NRG1: variants seen among roughly 807,000 people sequenced by gnomAD.
NRG1 encodes pro-neuregulin-1, membrane-bound isoform.
Under a neutral mutation model 63.8 loss-of-function variants are expected in NRG1, and 18 were observed. The ratio of observed to expected loss-of-function variants is 0.28; its 90% CI spans 0.19 to 0.42. NRG1 has a LOEUF of 0.42. Among genes scored for constraint, NRG1 ranks in the 10% least tolerant of loss-of-function variants. The pLI is 1.00. For synonymous variants in NRG1, 302 were observed against 301.3 expected (o/e 1.00, Z -0.02); for missense variants, 762 against 814.7 (o/e 0.94, Z 0.79).
intron 5 of NRG1, among the ~76,000 whole-genome samples, chr8:32,627,717 A>T (rs1297862698): frequency 6.6e-6 from 1 of 152,174 alleles, no homozygotes; most frequent in African/African-American, 2.4e-5. Context: ...GGTAAATTTT[A>T]AAAAGGATGC....
chr8:32,010,384 C>A (rs1485746636), intron 1 of NRG1, among the ~76,000 whole-genome samples: 1 of 152,034 alleles, frequency 6.6e-6, no homozygotes, highest in Non-Finnish European at 1.5e-5. Context: ...TCTTTCCTTT[C>A]ACTTCATTCT....
At chr8:31,825,256 C>T (rs947498817) in intron 1 of NRG1, among the ~76,000 whole-genome samples, 4 of 151,866 alleles carry the variant, frequency 2.6e-5, no homozygotes, top group Non-Finnish European at 4.4e-5. Flanking sequence ...GGTGTGGTGG[C>T]GGGCACCTGT....
At chr8:31,649,714 G>A (rs924679543) in intron 1 of NRG1, among the ~76,000 whole-genome samples, 2 of 152,194 alleles carry the variant, frequency 1.3e-5, no homozygotes, top group Admixed American at 1.3e-4. Context: ...AATGAAAGAT[G>A]TAAAGAATAA....
At chr8:32,666,922 G>T (rs781544896) in intron 5 of NRG1, among the ~76,000 whole-genome samples, 1 of 152,212 alleles carries the variant, frequency 6.6e-6, no homozygotes, top group Non-Finnish European at 1.5e-5. Flanking sequence ...AAGTTCACGT[G>T]TATTGCAACA....
At chr8:32,695,706 C>T (rs1203188247) in intron 5 of NRG1, among the ~76,000 whole-genome samples, 1 of 152,214 alleles carries the variant, frequency 6.6e-6, no homozygotes, top group Non-Finnish European at 1.5e-5. Flanking sequence ...ACAGATTCAT[C>T]AAATGGCACA....
intron 1 of NRG1, among the ~76,000 whole-genome samples, chr8:32,465,009 T>A (rs1355676007): frequency 6.6e-6 from 1 of 152,134 alleles, no homozygotes; most frequent in Non-Finnish European, 1.5e-5. Context: ...AACCCGTCTC[T>A]ACTAAAAATA....
chr8:31,799,231 T>C (rs1473886810), intron 1 of NRG1, among the ~76,000 whole-genome samples: 1 of 152,110 alleles, frequency 6.6e-6, no homozygotes, highest in East Asian at 1.9e-4. Flanking sequence ...CTCTAAACTT[T>C]TGATAGAAAT....
intron 5 of NRG1, among the ~76,000 whole-genome samples, chr8:32,701,322 A>G (rs564470886): frequency 1.8e-4 from 28 of 152,246 alleles, no homozygotes; most frequent in African/African-American, 6.7e-4. Context: ...GAACTATTTT[A>G]TTTTGTTATG....
intron 1 of NRG1, among the ~76,000 whole-genome samples, chr8:31,986,249 G>A (rs1392982400): frequency 6.6e-6 from 1 of 152,040 alleles, no homozygotes; most frequent in Non-Finnish European, 1.5e-5. Flanking sequence ...AAGTGCATCA[G>A]TAAGAGATCA....
rs192800168 is a variant in NRG1 at position 32,536,768 on chromosome 8, C to T, written c.38-59060C>T. On this transcript the variant is annotated intron_variant, in intron 1 of 10. Coordinates refer to the NRG1 transcript ENST00000519301. The stretch of plus-strand genomic sequence containing the variant: ...AAACCCCTTCTCTACTAAAAAAATA[C>T]AAAAAATTAGCCGGGTGTGGTGGTG... 5.4e-3 allele frequency among the ~76,000 whole-genome samples: 820 copies of T among 151,232 alleles called. 26 individuals carry two copies. The highest frequency in any genetic ancestry group is 0.043 in the Admixed American group (655 of 15,188).
chr8:32,617,293 T>C (rs1330945351), intron 5 of NRG1, among the ~76,000 whole-genome samples: 1 of 152,228 alleles, frequency 6.6e-6, no homozygotes, highest in Non-Finnish European at 1.5e-5. Flanking sequence ...CAAAACTTCT[T>C]CATTCTCATA....
At chr8:32,469,086 G>T (rs1468285888) in intron 1 of NRG1, among the ~76,000 whole-genome samples, 1 of 152,182 alleles carries the variant, frequency 6.6e-6, no homozygotes, top group Non-Finnish European at 1.5e-5. Flanking sequence ...GGGAAACGAT[G>T]GAGGTGATGT....
chr8:31,923,881 G>T (rs1363892801), intron 1 of NRG1, among the ~76,000 whole-genome samples: 1 of 151,606 alleles, frequency 6.6e-6, no homozygotes, highest in East Asian at 1.9e-4. Context: ...ACCCCTCTAA[G>T]TCTCCATTGT....
chr8:32,258,060 T>A (rs1401672176), intron 1 of NRG1, among the ~76,000 whole-genome samples: 1 of 152,168 alleles, frequency 6.6e-6, no homozygotes, highest in African/African-American at 2.4e-5. Context: ...ATCAACAGAA[T>A]AAGAAACTCA....
intron 1 of NRG1, among the ~76,000 whole-genome samples, chr8:32,432,629 G>A (rs1818286920): frequency 6.6e-6 from 1 of 151,938 alleles, no homozygotes; most frequent in Non-Finnish European, 1.5e-5. Flanking sequence ...TGTTTCTCAG[G>A]CTCCAGAGTA....
intron 1 of NRG1, among the ~76,000 whole-genome samples, chr8:31,984,569 G>C (rs528634891): frequency 6.6e-6 from 1 of 152,072 alleles, no homozygotes; most frequent in Non-Finnish European, 1.5e-5. Flanking sequence ...CCCATTTTCT[G>C]TGTCTGGACA....
chr8:32,549,125 T>A (rs1191073762), intron 1 of NRG1, among the ~76,000 whole-genome samples: 4 of 152,182 alleles, frequency 2.6e-5, no homozygotes, highest in African/African-American at 9.6e-5. Flanking sequence ...CCCCAGCGCC[T>A]TAGCGGCTGA....
At chr8:32,657,940 A>C (rs1801927471) in intron 5 of NRG1, among the ~76,000 whole-genome samples, 1 of 152,234 alleles carries the variant, frequency 6.6e-6, no homozygotes, top group Non-Finnish European at 1.5e-5. Context: ...AAGAGAAAAA[A>C]TAATGTCATG....
At position 32,587,176 on chromosome 8, in the gene NRG1, T is replaced by G. The variant is rs151166710; in HGVS notation, c.101-8652T>G. On this transcript the variant is annotated intron_variant, in intron 1 of 11. Transcript: ENST00000356819. ...GTAAGCTGTGATCACATAACACCACTGCATTCTAGCCTGGGTGACAGAGTG... is the reference window on the plus strand; with the variant it reads ...GTAAGCTGTGATCACATAACACCACGGCATTCTAGCCTGGGTGACAGAGTG... 6.9e-3 allele frequency among the ~76,000 whole-genome samples: 1,052 copies of G among 151,966 alleles called. 8 individuals are homozygous for G. The highest frequency in any genetic ancestry group is 0.024 in the African/African-American group (988 of 41,428).
Sources: allele counts gnomAD v4.1 joint callset (sites outside exome capture counted in the v4.1 genomes callset), GRCh38; gene constraint gnomAD v4.1.1; transcripts MANE v1.5; gene names NCBI Gene and HGNC (gene_info 2026-07-23, HGNC 2026-07-21).